The following SDK1 variants were observed in gnomAD, a reference collection of about 807,000 sequenced individuals.
SDK1 encodes sidekick cell adhesion molecule 1, also known as protein sidekick-1.
Under a neutral mutation model 245.5 loss-of-function variants are expected in SDK1, and 157 were observed. The observed-to-expected ratio is 0.64, with a 90% CI of 0.56 to 0.73. SDK1 has a LOEUF of 0.73. Among genes scored for constraint, SDK1 ranks in the 30% least tolerant of loss-of-function variants. The pLI, the probability that SDK1 is intolerant of heterozygous loss-of-function variation, is 0.00. For synonymous variants in SDK1, 1,647 were observed against 1,278.5 expected, an observed-to-expected ratio of 1.29 and a Z score of -6.15; for missense variants, 3,583 against 3,002.3, an observed-to-expected ratio of 1.19 and a Z score of -4.52.
At chr7:4,164,784 A>T (rs548069083) in intron 32 of SDK1, among the ~76,000 whole-genome samples, 1 of 152,212 alleles carries the variant, frequency 6.6e-6, no homozygotes, top group East Asian at 1.9e-4. Flanking sequence ...GCCTAGTGCC[A>T]CCTGGAGGAG....
rs773420169 is a variant in SDK1 at position 3,457,479 on chromosome 7, T to G, written c.298+155595T>G. Among the ~76,000 whole-genome samples the G allele has an allele frequency of 2.0e-5, 3 of 152,208 alleles. No individual in the cohort carries two copies. In the South Asian group the frequency reaches 6.2e-4, roughly 32 times the overall value. On this transcript the variant is annotated intron_variant, in intron 1 of 44. Transcript: ENST00000404826. ...CACAACTTGTGGTTCAATCATAATG[T>G]GGTGTGTACATCCTTATGACTATTA... is the stretch of plus-strand genomic sequence containing the variant.
intron 1 of SDK1, among the ~76,000 whole-genome samples, chr7:3,609,875 G>A (rs1260655950): frequency 3.3e-5 from 5 of 151,778 alleles, no homozygotes; most frequent in Admixed American, 3.3e-4. Context: ...TAATTTTTGT[G>A]TTTTTAGTAG....
chr7:4,157,456 G>GA lies in SDK1; in HGVS notation c.4626-992_4626-991insA, dbSNP rs1420187132. Among the ~76,000 whole-genome samples, 7 of 71,010 alleles carry GA rather than the reference G, an allele frequency of 9.9e-5. No homozygotes were observed. The South Asian group carries it at 1.2e-3, about 13-fold the overall frequency. 46.6% of individuals were successfully genotyped at this position (71,010 alleles called of 152,430 possible). ...CAAGAGAAAAGGAGGGAAGGGAGGTGGAAGGGAGAGAAGGAAGGAGGGAAG... is the reference window on the plus strand; with the variant it reads ...CAAGAGAAAAGGAGGGAAGGGAGGTGAGAAGGGAGAGAAGGAAGGAGGGAAG... On this transcript the variant is annotated intron_variant, in intron 30 of 44. Coordinates refer to ENST00000404826, the MANE Select transcript of SDK1 (RefSeq NM_152744.4).
intron 13 of SDK1, 139 bp downstream of exon 13, chr7:3,974,684 A>G (rs1782767123): frequency 3.0e-6 from 2 of 674,030 alleles, no homozygotes; most frequent in Admixed American, 6.1e-5. Flanking sequence ...ATCATGCTGC[A>G]TAACTACATA....
At chr7:3,311,946 G>A (rs1431553716) in intron 1 of SDK1, among the ~76,000 whole-genome samples, 1 of 152,148 alleles carries the variant, frequency 6.6e-6, no homozygotes, top group Non-Finnish European at 1.5e-5. Context: ...TAGGAGGCAT[G>A]GCCTTGGGTC....
intron 1 of SDK1, among the ~76,000 whole-genome samples, chr7:3,598,233 T>C (rs1330534316): frequency 6.6e-6 from 1 of 152,236 alleles, no homozygotes; most frequent in Non-Finnish European, 1.5e-5. Flanking sequence ...GCTCATTTTA[T>C]TTATATATTT....
intron 5 of SDK1, among the ~76,000 whole-genome samples, chr7:3,916,921 C>G (rs1779403846): frequency 6.6e-6 from 1 of 152,186 alleles, no homozygotes. Flanking sequence ...GATACAGGCA[C>G]AGATGCAGAC....
chr7:4,000,043 C>G (rs569259854), intron 14 of SDK1, among the ~76,000 whole-genome samples: 3 of 152,250 alleles, frequency 2.0e-5, no homozygotes, highest in African/African-American at 7.2e-5. Flanking sequence ...CTGTGAGGCT[C>G]AGAGAGTGAA....
intron 44 of SDK1, among the ~76,000 whole-genome samples, chr7:4,264,451 G>A (rs112741508): frequency 5.2e-3 from 442 of 85,076 alleles, no homozygotes; most frequent in Non-Finnish European, 8.0e-3. Flanking sequence ...AAGGCCGCGT[G>A]GACCTCTCCT....
At chr7:3,416,233 A>T (rs1779361717) in intron 1 of SDK1, among the ~76,000 whole-genome samples, 1 of 152,146 alleles carries the variant, frequency 6.6e-6, no homozygotes, top group Admixed American at 6.5e-5. Flanking sequence ...AGAAAGAAAG[A>T]TGTCTGTGAT....
intron 1 of SDK1, among the ~76,000 whole-genome samples, chr7:3,598,676 T>C (rs1468540177): frequency 3.3e-5 from 5 of 152,222 alleles, no homozygotes. Flanking sequence ...TATACTTTTG[T>C]CATTTCAAGA....
chr7:3,758,266 T>TA (rs547863434), intron 4 of SDK1, among the ~76,000 whole-genome samples: 49 of 152,360 alleles, frequency 3.2e-4, no homozygotes, highest in Non-Finnish European at 5.9e-4. Context: ...GGCTCTTGCT[T>TA]ACAGCATTTC....
chr7:4,096,856 G>T (rs1782179954), intron 22 of SDK1, among the ~76,000 whole-genome samples: 1 of 151,994 alleles, frequency 6.6e-6, no homozygotes, highest in Non-Finnish European at 1.5e-5. Flanking sequence ...GGTCGCTGTG[G>T]TCAGAGAACC....
intron 1 of SDK1, among the ~76,000 whole-genome samples, chr7:3,539,533 A>C (rs1778993474): frequency 6.6e-6 from 1 of 152,204 alleles, no homozygotes; most frequent in African/African-American, 2.4e-5. Flanking sequence ...TATCAGAGAG[A>C]TCCCTGCTGC....
rs1243241117 is a variant in SDK1 at position 3,403,857 on chromosome 7, ATATATATATATAAT to A, written c.298+101974_298+101987del. 3.5e-3 allele frequency among the ~76,000 whole-genome samples: 389 copies of A among 112,224 alleles called. 4 individuals carry two copies. Among genetic ancestry groups the A allele is most frequent in the African/African-American group, 0.013 (373 of 28,778 alleles). 73.6% of individuals were successfully genotyped at this position (112,224 alleles called of 152,430 possible). ...TATATATATATATATATATATATAT[ATATATATATATAAT>A]ATATATATTTATTTATATTATATAT... On this transcript the variant is annotated intron_variant, in intron 1 of 44. Coordinates refer to ENST00000404826, the MANE Select transcript of SDK1 (RefSeq NM_152744.4).
chr7:3,649,712 TA>T (rs1439887543), intron 4 of SDK1, among the ~76,000 whole-genome samples: 2 of 152,170 alleles, frequency 1.3e-5, no homozygotes, highest in Non-Finnish European at 2.9e-5. Flanking sequence ...TGATGAGAAC[TA>T]AGGCAGAGAG....
chr7:3,626,925 CA>C (rs1215797627), intron 2 of SDK1, among the ~76,000 whole-genome samples: 1 of 139,376 alleles, frequency 7.2e-6, no homozygotes, highest in Non-Finnish European at 1.7e-5. Flanking sequence ...TCAGGTTCAA[CA>C]ATTTTTTTTT....
At chr7:3,401,592 A>G (rs1293394449) in intron 1 of SDK1, among the ~76,000 whole-genome samples, 1 of 152,068 alleles carries the variant, frequency 6.6e-6, no homozygotes, top group African/African-American at 2.4e-5. Flanking sequence ...CAATATACTG[A>G]GCCAGCCGTA....
Position 4,245,731 on chromosome 7 carries a change from A to C in SDK1, c.6307A>C (p.Asn2103His). The C allele has an allele frequency of 6.2e-7, 1 of 1,614,078 alleles. No individual in the cohort carries two copies. ...GLHYSDEDIC[N>H]KYNGAVLTES... Reference sequence around the variant, plus strand: ...GCACTACTCAGACGAGGACATCTGCAACAAGTACAACGGCGCCGTGCTGAC... The same window carrying C: ...GCACTACTCAGACGAGGACATCTGCCACAAGTACAACGGCGCCGTGCTGAC... Residue 2103 changes from asparagine (N) to histidine (H), a missense_variant, in exon 44 of 45, where the codon AAC becomes CAC. Transcript: ENST00000404826.
Sources: allele counts gnomAD v4.1 joint callset (sites outside exome capture counted in the v4.1 genomes callset), GRCh38; gene constraint gnomAD v4.1.1; transcripts MANE v1.5; gene names NCBI Gene and HGNC (gene_info 2026-07-23, HGNC 2026-07-21).